Variants in DMXL2 observed in about 807,000 individuals in gnomAD.
The protein encoded by DMXL2 is Dmx like 2.
DMXL2 carries 103 observed loss-of-function variants against 331.1 expected under a neutral mutation model. That is an observed-to-expected ratio of 0.31 (90% confidence interval 0.27 to 0.37). The LOEUF is 0.37. Among genes scored for constraint, DMXL2 ranks in the 10% least tolerant of loss-of-function variants. The pLI is 1.00. For missense variants in DMXL2, 3,171 were observed against 3,642.9 expected (o/e 0.87, Z 3.33); for synonymous variants, 1,281 against 1,252.1 (o/e 1.02, Z -0.49).
intron 6 of DMXL2, among the ~76,000 whole-genome samples, chr15:51,558,446 A>G (rs2049741148): frequency 6.6e-6 from 1 of 152,222 alleles, no homozygotes; most frequent in South Asian, 2.1e-4. Context: ...TGAAAAAAAC[A>G]AAGTAGTATT....
At position 51,507,346 on chromosome 15, in the gene DMXL2, A is replaced by C. The variant is rs369946900; in HGVS notation, c.2645-93T>G. The C allele has an allele frequency of 3.6e-5, 45 of 1,244,702 alleles. No individual in the cohort carries two copies. In the African/African-American group the frequency reaches 6.3e-4, roughly 17 times the overall value. The allele number at this position is 1,244,702 out of a possible 1,614,324, so 77.1% of individuals were successfully genotyped here. A position where few individuals can be genotyped will look rare whatever the true frequency, so the allele number is the denominator to read the frequency against. On this transcript the variant is annotated intron_variant, in intron 15 of 43. Transcript: ENST00000560891. The stretch of plus-strand genomic sequence containing the variant: ...AAGCTACCACCACCTCTTGATATGC[A>C]TGGAAGTTGGGAAGAAAAGGCAAGA...
chr15:51,465,106 T>C (rs1301974909), intron 31 of DMXL2, among the ~76,000 whole-genome samples: 1 of 152,196 alleles, frequency 6.6e-6, no homozygotes, highest in Admixed American at 6.5e-5. Flanking sequence ...ACTAAAGTAT[T>C]AGACTGAAGC....
At position 51,463,265 on chromosome 15, in the gene DMXL2, T is replaced by G. The variant is rs1456557625; in HGVS notation, c.7926+114A>C. 3.4e-5 allele frequency: 22 copies of G among 641,264 alleles called. 1 individual carries two copies. Among genetic ancestry groups the G allele is most frequent in the Non-Finnish European group, 2.7e-6 (1 of 374,712 alleles). The allele number at this position is 641,264 out of a possible 1,614,324, so 39.7% of individuals were successfully genotyped here. ...TAGTTCACGGTAGTTTAGTGAACTT[T>G]GACTATTACCCAACCAGAAAGAAAA... On this transcript the variant is annotated intron_variant, in intron 33 of 43. Coordinates refer to ENST00000560891, the MANE Select transcript of DMXL2 (RefSeq NM_001378457.1).
chr15:51,519,648 T>TG (rs990132775), intron 13 of DMXL2, among the ~76,000 whole-genome samples: 4 of 146,290 alleles, frequency 2.7e-5, no homozygotes, highest in African/African-American at 1.0e-4. Flanking sequence ...TTTTTTTTTT[T>TG]TTTTTTTTTT....
chr15:51,563,174 A>G (rs1275431649), intron 6 of DMXL2, among the ~76,000 whole-genome samples: 1 of 152,132 alleles, frequency 6.6e-6, no homozygotes, highest in African/African-American at 2.4e-5. Flanking sequence ...AATAAGAGTA[A>G]TAAGAATAGC....
At chr15:51,455,071 T>G (rs370041898) in intron 40 of DMXL2, 80 bp downstream of exon 40, 337 of 1,131,332 alleles carry the variant, frequency 3.0e-4, no homozygotes, top group East Asian at 6.5e-4. Flanking sequence ...GGACCACCAA[T>G]GAGATTCACT....
At chr15:51,612,292 C>A (rs2054023294) in intron 1 of DMXL2, among the ~76,000 whole-genome samples, 1 of 152,154 alleles carries the variant, frequency 6.6e-6, no homozygotes, top group African/African-American at 2.4e-5. Context: ...TTAATACTGC[C>A]AGGAAGAATG....
intron 1 of DMXL2, among the ~76,000 whole-genome samples, chr15:51,595,202 T>A (rs1159931384): frequency 3.3e-5 from 5 of 152,186 alleles, no homozygotes; most frequent in African/African-American, 1.2e-4. Context: ...CTCCTTAAGC[T>A]GATAGGCAAC....
chr15:51,555,361 T>C (rs982190905), intron 6 of DMXL2, among the ~76,000 whole-genome samples: 3 of 151,130 alleles, frequency 2.0e-5, no homozygotes, highest in Non-Finnish European at 2.9e-5. Context: ...CATCAGGGAG[T>C]AGATTGAGGG....
At chr15:51,490,514 T>C (rs1424597975) in intron 20 of DMXL2, among the ~76,000 whole-genome samples, 3 of 152,212 alleles carry the variant, frequency 2.0e-5, no homozygotes, top group Non-Finnish European at 4.4e-5. Context: ...TGAATAAGAA[T>C]TCCACTTTCC....
chr15:51,585,535 T>TTC (rs1491441134), intron 1 of DMXL2, among the ~76,000 whole-genome samples: 53 of 152,194 alleles, frequency 3.5e-4, no homozygotes, highest in African/African-American at 1.3e-3. Flanking sequence ...AACATGTATG[T>TTC]ATAGATGATA....
Position 51,458,499 on chromosome 15 carries a change from G to T in DMXL2, c.8198+7C>A. 6.2e-7 allele frequency: 1 copy of T among 1,612,824 alleles called. No homozygotes were observed. Among genetic ancestry groups the T allele is most frequent in the South Asian group, 1.1e-5 (1 of 90,818 alleles). On this transcript the variant is annotated splice_region_variant and intron_variant, in intron 36 of 43. Transcript: ENST00000560891. ...AAACTATATGTAAAAGTGACTATGAGACAAACCTTTTGGATTCTCTGTCAT... is the reference window on the plus strand; with the variant it reads ...AAACTATATGTAAAAGTGACTATGATACAAACCTTTTGGATTCTCTGTCAT...
chr15:51,524,225 G>T lies in DMXL2; in HGVS notation c.2437-7058C>A, dbSNP rs542216229. On this transcript the variant is annotated intron_variant, in intron 13 of 43. Transcript: ENST00000560891. ...CTTCTAAGTAATCGAGGGTCGAAGA[G>T]AAATTCTCAAAGGAAATCAAAACAT... Among the ~76,000 whole-genome samples, 3 of 152,294 alleles carry T rather than the reference G, an allele frequency of 2.0e-5. No homozygotes were observed. In the South Asian group the frequency reaches 6.2e-4, roughly 32 times the overall value.
chr15:51,586,718 C>T lies in DMXL2; in HGVS notation c.88-10537G>A, dbSNP rs981561616. Among the ~76,000 whole-genome samples the T allele has an allele frequency of 3.9e-5, 6 of 152,044 alleles. No homozygotes were observed. In the South Asian group the frequency reaches 8.3e-4, roughly 21 times the overall value. On this transcript the variant is annotated intron_variant, in intron 1 of 43. Coordinates refer to ENST00000560891, the MANE Select transcript of DMXL2 (RefSeq NM_001378457.1). ...ATATACCTCTGATAAAGAAGAAAAA[C>T]GTGTTTTTTTCACTGGTGGTAGTAA...
chr15:51,472,167 T>G (rs1432520852), intron 28 of DMXL2, among the ~76,000 whole-genome samples: 1 of 152,082 alleles, frequency 6.6e-6, no homozygotes, highest in Non-Finnish European at 1.5e-5. Context: ...GGCCAGAAAG[T>G]AGAAGTCAAC....
intron 37 of DMXL2, 21 bp from the exon 38 acceptor site, chr15:51,456,390 AATTTT>A (rs750075147): frequency 1.4e-6 from 2 of 1,481,102 alleles, no homozygotes; most frequent in Non-Finnish European, 1.8e-6. Context: ...AAATTTTAAA[AATTTT>A]ATTTTGTGTA....
At chr15:51,490,032 A>T (rs2042681736) in intron 20 of DMXL2, among the ~76,000 whole-genome samples, 2 of 152,238 alleles carry the variant, frequency 1.3e-5, no homozygotes, top group Non-Finnish European at 2.9e-5. Flanking sequence ...TTGGAATATA[A>T]AACATTTAAT....
At chr15:51,494,216 T>C (rs2043001636) in intron 19 of DMXL2, among the ~76,000 whole-genome samples, 1 of 152,202 alleles carries the variant, frequency 6.6e-6, no homozygotes, top group Non-Finnish European at 1.5e-5. Context: ...AAATATAGTT[T>C]AGACACAGAA....
chr15:51,534,360 G>T (rs1466839922), intron 13 of DMXL2, among the ~76,000 whole-genome samples: 1 of 152,140 alleles, frequency 6.6e-6, no homozygotes, highest in Non-Finnish European at 1.5e-5. Flanking sequence ...TTACAAGAAA[G>T]CTGTCTTTTA....
Sources: gnomAD v4.1 joint callset for allele counts (sites outside exome capture counted in the v4.1 genomes callset) on GRCh38, gnomAD v4.1.1 for gene constraint, MANE v1.5 for transcripts, NCBI Gene and HGNC (gene_info 2026-07-23, HGNC 2026-07-21) for gene names.